The following LPP variants were observed in gnomAD, a reference collection of about 807,000 sequenced individuals.
LPP encodes lipoma-preferred partner.
In LPP, 38 loss-of-function variants were observed where a neutral mutation model predicts 60.4. The ratio of observed to expected loss-of-function variants is 0.63; its 90% CI spans 0.49 to 0.83. The LOEUF is 0.83. Ranked by LOEUF, LPP falls within the 40% of genes least tolerant of loss-of-function variation. The pLI, the probability that LPP is intolerant of heterozygous loss-of-function variation, is 0.00. For missense variants in LPP, 902 were observed against 783.6 expected (o/e 1.15, Z -1.80); for synonymous variants, 328 against 290.8 (o/e 1.13, Z -1.30).
At chr3:188,675,180 T>A (rs892672574) in intron 7 of LPP, among the ~76,000 whole-genome samples, 3 of 152,214 alleles carry the variant, frequency 2.0e-5, no homozygotes, top group African/African-American at 7.2e-5. Flanking sequence ...ACATAACAGC[T>A]GTTCAGACTT....
chr3:188,502,292 T>C (rs1812155245), intron 5 of LPP, among the ~76,000 whole-genome samples: 1 of 152,238 alleles, frequency 6.6e-6, no homozygotes, highest in Non-Finnish European at 1.5e-5. Context: ...GATGATCTTT[T>C]ATTAGGTGTG....
At chr3:188,278,333 G>A (rs1740726188) in intron 2 of LPP, among the ~76,000 whole-genome samples, 1 of 152,076 alleles carries the variant, frequency 6.6e-6, no homozygotes, top group Admixed American at 6.5e-5. Flanking sequence ...TCGTCCCCTG[G>A]CCTTTTCTGC....
chr3:188,659,493 T>C (rs1014184532), intron 7 of LPP, among the ~76,000 whole-genome samples: 1 of 152,214 alleles, frequency 6.6e-6, no homozygotes, highest in Non-Finnish European at 1.5e-5. Flanking sequence ...TGGCCTTTAA[T>C]ATATGTTCGG....
At chr3:188,643,512 C>G (rs1458029273) in intron 7 of LPP, among the ~76,000 whole-genome samples, 1 of 152,156 alleles carries the variant, frequency 6.6e-6, no homozygotes, top group Non-Finnish European at 1.5e-5. Flanking sequence ...GTGTGAAGCT[C>G]TCTGATACTC....
chr3:188,609,579 C>G lies in LPP; in HGVS notation c.848C>G (p.Pro283Arg), dbSNP rs201035440. ...YAYIPPPGLQ[P>R]EPGYGYAPNQ... ...TACATTCCACCACCAGGACTTCAGC[C>G]GGAGCCTGGGTATGGGTATGCCCCC... Residue 283 changes from proline to arginine, a missense_variant, in exon 7 of 12, where the codon CCG becomes CGG. Physicochemically the swap from Pro to Arg is moderately radical, Grantham distance 103. Transcript: ENST00000617246. This position sits in a 1 kb window ranked among gnomAD's most constrained non-coding sequence, Gnocchi z 6.9. The G allele has an allele frequency of 1.9e-6, 3 of 1,614,106 alleles. No individual in the cohort carries two copies. In the Admixed American group the frequency reaches 5.0e-5, roughly 27 times the overall value.
At chr3:188,554,065 T>C (rs1235100822) in intron 6 of LPP, 1 of 152,198 alleles carries the variant, frequency 6.6e-6, no homozygotes, top group Non-Finnish European at 1.5e-5. Flanking sequence ...CCCATGCATC[T>C]GTGAGACTGT....
intron 3 of LPP, among the ~76,000 whole-genome samples, chr3:188,361,935 A>G (rs1769550805): frequency 6.6e-6 from 1 of 152,176 alleles, no homozygotes; most frequent in South Asian, 2.1e-4. Flanking sequence ...TAGGTCTGCC[A>G]CCAAGGAATA....
intron 9 of LPP, among the ~76,000 whole-genome samples, chr3:188,862,134 A>T (rs1337546800): frequency 6.6e-6 from 1 of 152,236 alleles, no homozygotes; most frequent in Non-Finnish European, 1.5e-5. Context: ...AATAGGAAGT[A>T]TAAGAAGTAT....
At chr3:188,271,453 C>T (rs930745801) in intron 2 of LPP, among the ~76,000 whole-genome samples, 1 of 152,128 alleles carries the variant, frequency 6.6e-6, no homozygotes, top group Non-Finnish European at 1.5e-5. Context: ...CCTCAAGAGA[C>T]GGAATTAGGG....
At chr3:188,168,031 A>G (rs1327397994) in intron 1 of LPP, among the ~76,000 whole-genome samples, 1 of 152,256 alleles carries the variant, frequency 6.6e-6, no homozygotes, top group African/African-American at 2.4e-5. Flanking sequence ...CAATATTTAG[A>G]AATAGTCTGG....
At chr3:188,779,077 T>C (rs1738757137) in intron 9 of LPP, among the ~76,000 whole-genome samples, 2 of 152,082 alleles carry the variant, frequency 1.3e-5, no homozygotes. Flanking sequence ...ATTAAGATTA[T>C]TATGCATGTT....
In LPP at chr3:188,876,298, G is replaced by T. The variant is rs150135689; in HGVS notation, c.*1819G>T. ...TTTTGTGACTAGAAATTCTTAAGCC[G>T]ATGGTCACTATAGCTCATCCTTAAT... On this transcript the variant is annotated 3_prime_UTR_variant, in exon 12 of 12. Coordinates refer to ENST00000617246, the MANE Select transcript of LPP (RefSeq NM_001375462.1). 5.3e-5 allele frequency: 10 copies of T among 189,654 alleles called. No individual in the cohort carries two copies. The highest frequency in any genetic ancestry group is 1.2e-4 in the Admixed American group (2 of 16,254). The allele number at this position is 189,654 out of a possible 1,614,324, so 11.7% of individuals were successfully genotyped here.
chr3:188,545,221 A>T (rs1277165273), intron 6 of LPP, among the ~76,000 whole-genome samples: 1 of 143,792 alleles, frequency 7.0e-6, no homozygotes, highest in Non-Finnish European at 1.5e-5. Flanking sequence ...AACCTGCACA[A>T]TGTGCACATG....
chr3:188,185,578 A>T (rs146394748), intron 1 of LPP, among the ~76,000 whole-genome samples: 2 of 151,682 alleles, frequency 1.3e-5, no homozygotes, highest in Non-Finnish European at 2.9e-5. Flanking sequence ...TGCGTGGATA[A>T]CTCTCTTTTC....
intron 6 of LPP, among the ~76,000 whole-genome samples, chr3:188,590,484 G>C (rs1838443912): frequency 3.3e-5 from 5 of 152,128 alleles, no homozygotes; most frequent in Admixed American, 3.3e-4. Flanking sequence ...TGAGGCAGGA[G>C]AATCGCTTGA....
chr3:188,282,397 T>C (rs1742414243), intron 2 of LPP, among the ~76,000 whole-genome samples: 1 of 152,122 alleles, frequency 6.6e-6, no homozygotes. Flanking sequence ...GAGGGATGCA[T>C]GTGTTGTGTA....
rs532349535 is a variant in LPP at position 188,393,407 on chromosome 3, G to A, written c.-9-12705G>A. On this transcript the variant is annotated intron_variant, in intron 3 of 11. Coordinates refer to ENST00000617246, the MANE Select transcript of LPP (RefSeq NM_001375462.1). ...CTAATTGCTGTGGCCTCTTATCCAC[G>A]CCAGTAATGAACCAAAAGTATGGGA... 4.2e-4 allele frequency among the ~76,000 whole-genome samples: 64 copies of A among 152,096 alleles called. No individual in the cohort carries two copies. In the Middle Eastern group the frequency reaches 0.014, roughly 32 times the overall value.
chr3:188,867,373 C>G (rs1766930956), intron 10 of LPP, among the ~76,000 whole-genome samples: 1 of 150,708 alleles, frequency 6.6e-6, no homozygotes, highest in Non-Finnish European at 1.5e-5. Context: ...TAGACAAAGT[C>G]TCACTCTGCT....
intron 7 of LPP, among the ~76,000 whole-genome samples, chr3:188,694,616 C>T (rs894436506): frequency 6.6e-6 from 1 of 151,682 alleles, no homozygotes; most frequent in Admixed American, 6.6e-5. Context: ...GCAGGAGAAT[C>T]ACTTGAACCC....
Sources: allele counts gnomAD v4.1 joint callset (sites outside exome capture counted in the v4.1 genomes callset), GRCh38; gene constraint gnomAD v4.1.1; non-coding constraint Gnocchi (gnomAD v3.1); transcripts MANE v1.5; gene names NCBI Gene and HGNC (gene_info 2026-07-23, HGNC 2026-07-21).